The following HCN2 variants were observed in gnomAD, a reference collection of about 807,000 sequenced individuals.
HCN2 encodes hyperpolarization activated cyclic nucleotide gated potassium and sodium channel 2.
In HCN2, 20 loss-of-function variants were observed where a neutral mutation model predicts 52.3. The ratio of observed to expected loss-of-function variants is 0.38; its 90% CI spans 0.27 to 0.56. The LOEUF (loss-of-function observed/expected upper bound fraction) is 0.56. Ranked by LOEUF, HCN2 falls within the 20% of genes least tolerant of loss-of-function variation. The pLI is 0.71. For missense variants in HCN2, 981 were observed against 1,207.7 expected, an observed-to-expected ratio of 0.81 and a Z score of 2.78; for synonymous variants, 694 against 537.0, an observed-to-expected ratio of 1.29 and a Z score of -4.04.
Position 610,410 on chromosome 19 carries a change from G to A in HCN2, c.1584+5G>A. On this transcript the variant is annotated splice_donor_5th_base_variant and intron_variant, in intron 5 of 7. Coordinates refer to ENST00000251287, the MANE Select transcript of HCN2 (RefSeq NM_001194.4). ...CTCAACGGGCCCCTGCGGGAGGTGAGGCGGGCGCCGGGCGGGCGGGAGGCA... is the reference window on the plus strand; with the variant it reads ...CTCAACGGGCCCCTGCGGGAGGTGAAGCGGGCGCCGGGCGGGCGGGAGGCA... The A allele has an allele frequency of 6.2e-7, 1 of 1,611,886 alleles. No individual in the cohort carries two copies. The highest frequency in any genetic ancestry group is 8.5e-7 in the Non-Finnish European group (1 of 1,178,970).
At position 616,512 on chromosome 19, in the gene HCN2, G is replaced by A; in HGVS notation, c.*38G>A. On this transcript the variant is annotated 3_prime_UTR_variant, in exon 8 of 8. Transcript: ENST00000251287. ...GCCCCGCGGGCCCAGGCGGGCCGGG[G>A]GCGGGGCCGTCATCCAGACCAAAGC... 8.6e-7 allele frequency: 1 copy of A among 1,166,992 alleles called. No individual in the cohort carries two copies. Among genetic ancestry groups the A allele is most frequent in the Non-Finnish European group, 1.1e-6 (1 of 936,368 alleles). 72.3% of individuals were successfully genotyped at this position (1,166,992 alleles called of 1,614,324 possible). A position where few individuals can be genotyped will look rare whatever the true frequency, so the allele number is the denominator to read the frequency against.
At position 599,573 on chromosome 19, in the gene HCN2, T is replaced by A. The variant is rs542025642; in HGVS notation, c.633-3971T>A. On this transcript the variant is annotated intron_variant, in intron 1 of 7. Transcript: ENST00000251287. The stretch of plus-strand genomic sequence containing the variant: ...GGCGGGCGGATCACGAGGTCAGGAG[T>A]TCGAGACCATCCTGGCTAACATGGT... Among the ~76,000 whole-genome samples the A allele has an allele frequency of 1.5e-4, 23 of 150,398 alleles. No homozygotes were observed. The East Asian group carries it at 2.0e-3, about 13-fold the overall frequency.
intron 1 of HCN2, among the ~76,000 whole-genome samples, chr19:593,049 C>T (rs1982918155): frequency 6.6e-6 from 1 of 152,198 alleles, no homozygotes; most frequent in African/African-American, 2.4e-5. Flanking sequence ...TTCACCTCCC[C>T]TTCCTGCTGA....
chr19:607,399 G>A (rs1983460007), intron 3 of HCN2, among the ~76,000 whole-genome samples: 1 of 152,184 alleles, frequency 6.6e-6, no homozygotes, highest in African/African-American at 2.4e-5. Flanking sequence ...GCATTGATGG[G>A]GTCAGGAGCT....
Position 590,177 on chromosome 19 carries a change from C to T in HCN2, c.232C>T (p.Arg78Cys). 1.0e-6 allele frequency: 1 copy of T among 980,318 alleles called. No individual in the cohort carries two copies. Among genetic ancestry groups the T allele is most frequent in the African/African-American group, 1.8e-5 (1 of 56,080 alleles). The allele number at this position is 980,318 out of a possible 1,614,324, so 60.7% of individuals were successfully genotyped here. A position where few individuals can be genotyped will look rare whatever the true frequency, so the allele number is the denominator to read the frequency against. Residue 78 changes from arginine to cysteine, a missense_variant, in exon 1 of 8, where the codon CGC becomes TGC. Transcript: ENST00000251287. The surrounding 1 kb of genome is among the most constrained non-coding windows in gnomAD (Gnocchi z 7.2). ...EGGPRGRLRSRDSSCGRPGTP... is the reference protein window; with the variant it reads ...EGGPRGRLRSCDSSCGRPGTP... The stretch of plus-strand genomic sequence containing the variant: ...CGGCCCGCGGGGCCGGCTCCGCAGC[C>T]GCGACAGCTCGTGCGGCCGCCCCGG...
chr19:604,694 A>AGCAAGGGCGGGACT (rs1983348346), intron 2 of HCN2, among the ~76,000 whole-genome samples: 1 of 84,292 alleles, frequency 1.2e-5, no homozygotes, highest in Non-Finnish European at 2.5e-5. Flanking sequence ...GGGGCGGGGC[A>AGCAAGGGCGGGACT]ATGCGGGTTT....
At chr19:604,917 A>T in intron 2 of HCN2, 144 bp from the exon 3 acceptor site, 1 of 726,408 alleles carries the variant, frequency 1.4e-6, no homozygotes, top group Non-Finnish European at 2.0e-6. Context: ...GCAGGGCTGC[A>T]GGGTGGGGCG....
intron 1 of HCN2, among the ~76,000 whole-genome samples, chr19:598,994 C>T (rs572197788): frequency 1.2e-4 from 19 of 152,140 alleles, no homozygotes; most frequent in Admixed American, 2.0e-4. Flanking sequence ...CATCCCGAGG[C>T]GGTGGATGCT....
chr19:593,616 T>A (rs931873124), intron 1 of HCN2, among the ~76,000 whole-genome samples: 8 of 151,532 alleles, frequency 5.3e-5, no homozygotes, highest in African/African-American at 1.9e-4. Context: ...TGGGACTTGG[T>A]CTCAAAAAAA....
intron 6 of HCN2, among the ~76,000 whole-genome samples, 164 bp from the exon 7 acceptor site, chr19:613,680 CGGGGATGG>C (rs1363066028): frequency 1.3e-4 from 1 of 7,680 alleles, no homozygotes; most frequent in African/African-American, 5.0e-4. Context: ...GGGATGGGGC[CGGGGATGG>C]GGCCGGGGAT....
At chr19:602,118 ACGCCCCAC>A (rs1484195007) in intron 1 of HCN2, among the ~76,000 whole-genome samples, 15 of 118,606 alleles carry the variant, frequency 1.3e-4, no homozygotes, top group African/African-American at 4.6e-4. Flanking sequence ...TCCTGCGTGG[ACGCCCCAC>A]TCCCTCCTCT....
At chr19:610,027 G>C (rs540208387) in intron 4 of HCN2, among the ~76,000 whole-genome samples, 1 of 152,278 alleles carries the variant, frequency 6.6e-6, no homozygotes, top group East Asian at 1.9e-4. Flanking sequence ...CGCTGTGGGC[G>C]GGGGCTTTGT....
chr19:612,361 C>T (rs1374246936), intron 5 of HCN2, among the ~76,000 whole-genome samples: 3 of 150,276 alleles, frequency 2.0e-5, no homozygotes, highest in East Asian at 1.9e-4. Flanking sequence ...TCAAAAATCA[C>T]CTGATAGTCT....
intron 1 of HCN2, among the ~76,000 whole-genome samples, chr19:595,620 C>G (rs1210897293): frequency 6.6e-6 from 1 of 152,216 alleles, no homozygotes; most frequent in Non-Finnish European, 1.5e-5. Context: ...GCTGACAGGC[C>G]CATCCCATGT....
chr19:609,107 G>A (rs1267474915), intron 4 of HCN2, among the ~76,000 whole-genome samples: 4 of 152,178 alleles, frequency 2.6e-5, no homozygotes, highest in East Asian at 1.9e-4. Flanking sequence ...GCTGGGCCCC[G>A]TGCCAGGCGC....
intron 2 of HCN2, 123 bp from the exon 3 acceptor site, chr19:604,938 G>A: frequency 1.9e-6 from 2 of 1,072,438 alleles, no homozygotes; most frequent in Non-Finnish European, 2.6e-6. Context: ...GGGGTCCTGT[G>A]CGGGGCCTTG....
rs1235304372 is a variant in HCN2, at chr19:613,699, G to C, written c.1826-153G>C. Reference sequence around the variant, plus strand: ...TGGGGCCGGGGATGGGGCCGGGGATGGGGCCGGGGATGGGGCCGGGGCCGG... The same window carrying C: ...TGGGGCCGGGGATGGGGCCGGGGATCGGGCCGGGGATGGGGCCGGGGCCGG... On this transcript the variant is annotated intron_variant, in intron 6 of 7. Coordinates refer to ENST00000251287, the MANE Select transcript of HCN2 (RefSeq NM_001194.4). Among the ~76,000 whole-genome samples, 31 of 136,450 alleles carry C rather than the reference G, an allele frequency of 2.3e-4. 3 individuals are homozygous for C. Among genetic ancestry groups the C allele is most frequent in the South Asian group, 5.1e-4 (2 of 3,950 alleles). The allele number at this position is 136,450 out of a possible 152,430, so 89.5% of individuals were successfully genotyped here. A position where few individuals can be genotyped will look rare whatever the true frequency, so the allele number is the denominator to read the frequency against.
At chr19:604,758 G>A (rs533606747) in intron 2 of HCN2, among the ~76,000 whole-genome samples, 5 of 138,698 alleles carry the variant, frequency 3.6e-5, no homozygotes, top group South Asian at 5.0e-4. Context: ...GTGCTGGGGC[G>A]GTGTCAGACA....
intron 6 of HCN2, among the ~76,000 whole-genome samples, 153 bp downstream of exon 6, chr19:613,641 G>GGAT (rs1472367836): frequency 1.7e-5 from 1 of 57,350 alleles, no homozygotes; most frequent in Non-Finnish European, 3.6e-5. Context: ...ATGGGGCCGG[G>GGAT]GATGGGGATG....
Sources: allele counts gnomAD v4.1 joint callset (sites outside exome capture counted in the v4.1 genomes callset), GRCh38; gene constraint gnomAD v4.1.1; non-coding constraint Gnocchi (gnomAD v3.1); transcripts MANE v1.5; gene names NCBI Gene and HGNC (gene_info 2026-07-23, HGNC 2026-07-21).